DIP2C: variants seen among roughly 807,000 people sequenced by gnomAD.
DIP2C encodes DIP2 acetate--CoA ligase C (putative), also known as disco-interacting protein 2 homolog C.
DIP2C carries 33 observed loss-of-function variants against 192.4 expected under a neutral mutation model. The ratio of observed to expected loss-of-function variants is 0.17; its 90% CI spans 0.13 to 0.23. DIP2C has a LOEUF of 0.23. DIP2C is among the 10% of genes least tolerant of loss of function. The pLI is 1.00. For missense variants in DIP2C, 1,537 were observed against 2,110.1 expected, an observed-to-expected ratio of 0.73 and a Z score of 5.32; for synonymous variants, 979 against 864.1, an observed-to-expected ratio of 1.13 and a Z score of -2.33.
rs540718225 is a variant in DIP2C, at chr10:670,615, A to T, written c.85+18879T>A. Among the ~76,000 whole-genome samples, 325 of 152,368 alleles carry T rather than the reference A, an allele frequency of 2.1e-3. 1 individual carries two copies. The highest frequency in any genetic ancestry group is 6.8e-3 in the Middle Eastern group (2 of 294). On this transcript the variant is annotated intron_variant, in intron 1 of 36. Transcript: ENST00000280886. ...CCTGGATTAAGATGATTTCATTTAC[A>T]TAAGGAACAGAAAATATAATACTTG... is the stretch of plus-strand genomic sequence containing the variant.
intron 32 of DIP2C, among the ~76,000 whole-genome samples, chr10:297,357 C>T (rs1168157564): frequency 6.6e-6 from 1 of 151,272 alleles, no homozygotes; most frequent in Non-Finnish European, 1.5e-5. Flanking sequence ...CATCAGTGTA[C>T]TGGAGAGACA....
At chr10:414,739 G>GTGTCTATATATA in intron 7 of DIP2C, among the ~76,000 whole-genome samples, 5 of 90,506 alleles carry the variant, frequency 5.5e-5, no homozygotes, top group Admixed American at 2.3e-4. Flanking sequence ...GTGTGTGTGT[G>GTGTCTATATATA]TACATATATA....
chr10:303,211 G>C (rs761663075), intron 32 of DIP2C, among the ~76,000 whole-genome samples: 14 of 151,952 alleles, frequency 9.2e-5, no homozygotes, highest in Non-Finnish European at 1.8e-4. Context: ...ACGTGCGGCT[G>C]TAGACTTTGT....
In DIP2C at chr10:467,676, C is replaced by A. The variant is rs541443121; in HGVS notation, c.268+4763G>T. ...CAGGGACATGGATGAAGCTGGAAGC[C>A]ATCATTCTCAGTCAACTAACACCAG... On this transcript the variant is annotated intron_variant, in intron 3 of 36. Coordinates refer to ENST00000280886, the MANE Select transcript of DIP2C (RefSeq NM_014974.3). Among the ~76,000 whole-genome samples, 4 of 151,506 alleles carry A rather than the reference C, an allele frequency of 2.6e-5. 1 individual carries two copies. The South Asian group carries it at 8.4e-4, about 32-fold the overall frequency.
chr10:285,294 G>T (rs962163906), intron 34 of DIP2C, among the ~76,000 whole-genome samples: 17 of 152,330 alleles, frequency 1.1e-4, no homozygotes, highest in African/African-American at 4.1e-4. Flanking sequence ...ATGCGTCCAG[G>T]GCTGAGGAGG....
intron 32 of DIP2C, among the ~76,000 whole-genome samples, chr10:305,993 A>ATATATG (rs958069491): frequency 7.0e-6 from 1 of 142,700 alleles, no homozygotes; most frequent in African/African-American, 2.6e-5. Context: ...ATATATATAT[A>ATATATG]TTATATTTTT....
intron 17 of DIP2C, 128 bp from the exon 18 acceptor site, chr10:369,761 C>A: frequency 6.6e-7 from 1 of 1,511,644 alleles, no homozygotes; most frequent in Non-Finnish European, 9.1e-7. Flanking sequence ...AGGCACAGTG[C>A]TGGCTGCCCA....
intron 1 of DIP2C, among the ~76,000 whole-genome samples, chr10:579,334 CAT>C (rs1850414038): frequency 6.6e-6 from 1 of 152,008 alleles, no homozygotes. Context: ...TGTGTACATG[CAT>C]AGTGTACACA....
intron 1 of DIP2C, among the ~76,000 whole-genome samples, chr10:678,385 A>G (rs908134347): frequency 1.3e-5 from 2 of 152,036 alleles, no homozygotes; most frequent in African/African-American, 4.8e-5. Flanking sequence ...ATTTTTTAAA[A>G]AAGAGGCACT....
chr10:682,767 C>A (rs1831179326), intron 1 of DIP2C, among the ~76,000 whole-genome samples: 1 of 151,826 alleles, frequency 6.6e-6, no homozygotes, highest in South Asian at 2.1e-4. Context: ...TCAATCGTGC[C>A]TATAGATAAA....
At chr10:357,434 G>A (rs1180432394) in intron 23 of DIP2C, among the ~76,000 whole-genome samples, 1 of 152,218 alleles carries the variant, frequency 6.6e-6, no homozygotes, top group Non-Finnish European at 1.5e-5. Context: ...TAGTTCAGGG[G>A]ACCGTGCGCG....
At chr10:650,728 C>T in intron 1 of DIP2C, 1 of 634,498 alleles carries the variant, frequency 1.6e-6, no homozygotes, top group Non-Finnish European at 2.9e-6. Context: ...TCTGGGCCGA[C>T]CCCCCCTCAT....
chr10:646,094 G>A lies in DIP2C; in HGVS notation c.85+43400C>T, dbSNP rs568995055. Among the ~76,000 whole-genome samples the A allele has an allele frequency of 3.3e-5, 5 of 152,152 alleles. No individual in the cohort carries two copies. In the South Asian group the frequency reaches 1.0e-3, roughly 32 times the overall value. ...AGCAGGGGCACGTTCCCAGGTGAGGGGCCTCCAGGAAACACTGGCTGTGTC... is the reference window on the plus strand; with the variant it reads ...AGCAGGGGCACGTTCCCAGGTGAGGAGCCTCCAGGAAACACTGGCTGTGTC... On this transcript the variant is annotated intron_variant, in intron 1 of 36. Transcript: ENST00000280886.
chr10:562,417 G>T (rs988893455), intron 1 of DIP2C, among the ~76,000 whole-genome samples: 3 of 152,226 alleles, frequency 2.0e-5, no homozygotes, highest in Non-Finnish European at 4.4e-5. Context: ...TCAAAGGCAT[G>T]TTTTTGTCAG....
intron 8 of DIP2C, among the ~76,000 whole-genome samples, chr10:409,789 T>A (rs1399644238): frequency 6.6e-6 from 1 of 152,224 alleles, no homozygotes; most frequent in Non-Finnish European, 1.5e-5. Flanking sequence ...GGGTTTTTAA[T>A]CACAATCCTT....
intron 1 of DIP2C, among the ~76,000 whole-genome samples, chr10:640,066 T>C (rs536552154): frequency 2.0e-5 from 3 of 152,014 alleles, no homozygotes; most frequent in East Asian, 1.9e-4. Flanking sequence ...GGCCTGTGCA[T>C]GTCCCTCCAC....
At position 295,990 on chromosome 10, in the gene DIP2C, G is replaced by C. The variant is rs1419237076; in HGVS notation, c.3987-7569C>G. ...TTGTTTGACTCTTTCTTGTAAATTT[G>C]TTTAAGTTCTTTGTAGATTCTGGAT... On this transcript the variant is annotated intron_variant, in intron 32 of 36. Transcript: ENST00000280886. 2.6e-5 allele frequency among the ~76,000 whole-genome samples: 4 copies of C among 152,284 alleles called. No homozygotes were observed. The South Asian group carries it at 6.2e-4, about 24-fold the overall frequency.
In DIP2C at chr10:677,040, G is replaced by A. The variant is rs117038614; in HGVS notation, c.85+12454C>T. 2.3e-3 allele frequency among the ~76,000 whole-genome samples: 353 copies of A among 152,242 alleles called. 1 individual carries two copies. Among genetic ancestry groups the A allele is most frequent in the Middle Eastern group, 6.8e-3 (2 of 292 alleles). ...TGACAAACATGTATTGAAATATCACGCTGTATCCCATAGATATGTACTATA... is the reference window on the plus strand; with the variant it reads ...TGACAAACATGTATTGAAATATCACACTGTATCCCATAGATATGTACTATA... On this transcript the variant is annotated intron_variant, in intron 1 of 36. Transcript: ENST00000280886.
chr10:685,156 A>G (rs1831273910), intron 1 of DIP2C, among the ~76,000 whole-genome samples: 2 of 54,708 alleles, frequency 3.7e-5, no homozygotes, highest in Non-Finnish European at 7.6e-5. Flanking sequence ...AAAAAAAAAA[A>G]AAAAAATATA....
Sources: allele counts gnomAD v4.1 joint callset (sites outside exome capture counted in the v4.1 genomes callset), GRCh38; gene constraint gnomAD v4.1.1; transcripts MANE v1.5; gene names NCBI Gene and HGNC (gene_info 2026-07-23, HGNC 2026-07-21).